Variants in ASPRV1 observed in about 807,000 individuals in gnomAD.
ASPRV1 encodes the protein aspartic peptidase retroviral like 1.
In ASPRV1, 7 loss-of-function variants were observed where a neutral mutation model predicts 11.0. The observed-to-expected ratio is 0.64, with a 90% CI of 0.36 to 1.20. ASPRV1 has a LOEUF of 1.20. ASPRV1 is among the 50% of genes most tolerant of loss of function. The probability of loss-of-function intolerance (pLI) is 0.02; values close to 1 mark genes in which losing one functional copy is unlikely to be tolerated. For synonymous variants in ASPRV1, 136 were observed against 138.4 expected (o/e 0.98, Z 0.12); for missense variants, 299 against 320.0 (o/e 0.93, Z 0.50).
At chr2:69,938,303 TG>T in the ASPRV1 span, 2 of 1,612,144 alleles carry the variant, frequency 1.2e-6, no homozygotes, top group East Asian at 4.5e-5. Flanking sequence ...GCACTGCGGC[TG>T]TCTCCTTGAA....
At chr2:70,016,057 C>T in the ASPRV1 span, 1 of 152,114 alleles carries the variant, frequency 6.6e-6, no homozygotes, top group Non-Finnish European at 1.5e-5. Flanking sequence ...ACACTTTAGA[C>T]CAAAGGAAAC....
chr2:70,016,425 A>G, the ASPRV1 span: 88 of 152,216 alleles, frequency 5.8e-4, no homozygotes, highest in African/African-American at 2.0e-3. Context: ...CTGTAATACC[A>G]GCACTTTAAA....
the ASPRV1 span, among the ~76,000 whole-genome samples, chr2:70,085,375 G>A: frequency 6.6e-6 from 1 of 152,168 alleles, no homozygotes; most frequent in Non-Finnish European, 1.5e-5. Flanking sequence ...GCCCGTTACA[G>A]GTGTAGCTCT....
chr2:69,966,972 C>G, the ASPRV1 span, among the ~76,000 whole-genome samples: 133 of 152,234 alleles, frequency 8.7e-4, no homozygotes, highest in African/African-American at 2.7e-3. Flanking sequence ...ACAGCAGAGC[C>G]CTTACATGTA....
the ASPRV1 span, among the ~76,000 whole-genome samples, chr2:70,018,505 T>C: frequency 6.6e-6 from 1 of 152,158 alleles, no homozygotes; most frequent in Non-Finnish European, 1.5e-5. Context: ...AGAGGTATCA[T>C]ACTGTCTGTC....
At chr2:70,086,719 T>G in the ASPRV1 span, among the ~76,000 whole-genome samples, 4 of 152,290 alleles carry the variant, frequency 2.6e-5, no homozygotes, top group Non-Finnish European at 4.4e-5. Context: ...GGGCAGGAGG[T>G]GGGGTTTCTG....
At chr2:70,022,392 C>A in the ASPRV1 span, among the ~76,000 whole-genome samples, 3 of 140,402 alleles carry the variant, frequency 2.1e-5, no homozygotes, top group African/African-American at 7.9e-5. Flanking sequence ...CACACACACA[C>A]AAACACAAGC....
chr2:69,983,041 C>T, the ASPRV1 span, among the ~76,000 whole-genome samples: 1 of 152,182 alleles, frequency 6.6e-6, no homozygotes, highest in Admixed American at 6.5e-5. Context: ...GCTCCAGCCT[C>T]CCGAGTAGCT....
At chr2:70,012,597 GA>G in the ASPRV1 span, among the ~76,000 whole-genome samples, 1 of 152,152 alleles carries the variant, frequency 6.6e-6, no homozygotes, top group East Asian at 1.9e-4. Context: ...ACTGCACCAG[GA>G]GTCACAGTCT....
the ASPRV1 span, among the ~76,000 whole-genome samples, chr2:70,083,214 G>A: frequency 5.3e-4 from 80 of 152,322 alleles, no homozygotes; most frequent in Non-Finnish European, 9.4e-4. Flanking sequence ...AGCATCAGAA[G>A]CCATGGAAAG....
chr2:70,058,985 C>T, the ASPRV1 span, among the ~76,000 whole-genome samples: 3 of 143,550 alleles, frequency 2.1e-5, no homozygotes, highest in Admixed American at 2.2e-4. Context: ...CTCCCAGGTT[C>T]ACGCCATTCT....
chr2:69,986,005 G>C, the ASPRV1 span, among the ~76,000 whole-genome samples: 121 of 152,338 alleles, frequency 7.9e-4, no homozygotes, highest in Admixed American at 6.8e-3. Context: ...CGCAGACTAT[G>C]TGGCAAGCAG....
the ASPRV1 span, chr2:70,070,414 C>G: frequency 1.3e-5 from 2 of 152,226 alleles, no homozygotes; most frequent in African/African-American, 4.8e-5. Flanking sequence ...ACCACAATAT[C>G]ATTCATACAC....
At chr2:70,086,155 A>G in the ASPRV1 span, 14 of 152,198 alleles carry the variant, frequency 9.2e-5, no homozygotes, top group African/African-American at 2.9e-4. Flanking sequence ...TTTTTAAGTC[A>G]TAAAACTCGC....
chr2:69,944,363 G>A, the ASPRV1 span, among the ~76,000 whole-genome samples: 14 of 152,332 alleles, frequency 9.2e-5, no homozygotes, highest in Admixed American at 3.9e-4. Context: ...TCATAACGAG[G>A]GTCAGCCCAC....
chr2:69,975,585 T>C, the ASPRV1 span: 1 of 152,138 alleles, frequency 6.6e-6, no homozygotes, highest in Non-Finnish European at 1.5e-5. Flanking sequence ...AGTCCATGGG[T>C]TTCTCCCTGT....
At chr2:69,991,351 C>A in the ASPRV1 span, among the ~76,000 whole-genome samples, 5 of 152,196 alleles carry the variant, frequency 3.3e-5, no homozygotes, top group Admixed American at 3.3e-4. Flanking sequence ...TGGGCCCCCA[C>A]GCTCCTCCAC....
chr2:69,989,184 TCTC>T, the ASPRV1 span, among the ~76,000 whole-genome samples: 2 of 152,190 alleles, frequency 1.3e-5, no homozygotes, highest in Non-Finnish European at 2.9e-5. Context: ...TCTGGCTCCA[TCTC>T]CTCCTGGAGG....
At chr2:69,993,217 G>C in the ASPRV1 span, among the ~76,000 whole-genome samples, 2 of 152,146 alleles carry the variant, frequency 1.3e-5, no homozygotes, top group African/African-American at 4.8e-5. Flanking sequence ...GCCCACACCT[G>C]CCTACCCCTC....
Sources: allele counts gnomAD v4.1 joint callset (sites outside exome capture counted in the v4.1 genomes callset), GRCh38; gene constraint gnomAD v4.1.1; transcripts MANE v1.5; gene names NCBI Gene and HGNC (gene_info 2026-07-23, HGNC 2026-07-21).